The following WWOX variants were observed in gnomAD, a reference collection of about 807,000 sequenced individuals.
WWOX encodes the protein WW domain containing oxidoreductase.
A neutral mutation model predicts 46.2 loss-of-function variants in WWOX; 69 were observed. The ratio of observed to expected loss-of-function variants is 1.49; its 90% CI spans 1.23 to 1.82. The LOEUF (loss-of-function observed/expected upper bound fraction) is 1.82, where lower values mean the gene tolerates loss of function less well. Ranked by LOEUF, WWOX falls within the 40% of genes most tolerant of loss-of-function variation. WWOX has a pLI of 0.00. For synonymous variants in WWOX, 359 were observed against 202.6 expected (o/e 1.77, Z -6.56); for missense variants, 919 against 542.6 (o/e 1.69, Z -6.89).
chr16:78,914,849 C>A (rs140103141), intron 8 of WWOX, among the ~76,000 whole-genome samples: 48 of 148,290 alleles, frequency 3.2e-4, no homozygotes, highest in East Asian at 1.6e-3. Flanking sequence ...ACTGCACTCC[C>A]GCCCGGGTGA....
intron 8 of WWOX, among the ~76,000 whole-genome samples, chr16:78,500,432 C>T (rs565610798): frequency 3.9e-5 from 6 of 151,976 alleles, no homozygotes; most frequent in Admixed American, 6.6e-5. Flanking sequence ...TTTTTCCCTT[C>T]ATCTATCTTT....
At chr16:79,195,330 C>G (rs1456748518) in intron 8 of WWOX, among the ~76,000 whole-genome samples, 1 of 152,010 alleles carries the variant, frequency 6.6e-6, no homozygotes, top group Non-Finnish European at 1.5e-5. Context: ...TGCGAATGCT[C>G]CAGTCAATCC....
At chr16:79,025,214 G>C (rs2047614218) in intron 8 of WWOX, among the ~76,000 whole-genome samples, 1 of 152,164 alleles carries the variant, frequency 6.6e-6, no homozygotes, top group Non-Finnish European at 1.5e-5. Flanking sequence ...ACTGAGGCTG[G>C]GGCAGGGAGA....
At chr16:79,001,075 A>G (rs1049134996) in intron 8 of WWOX, among the ~76,000 whole-genome samples, 3 of 152,230 alleles carry the variant, frequency 2.0e-5, no homozygotes, top group African/African-American at 4.8e-5. Flanking sequence ...ATTAATCTGC[A>G]GGAGAAAGAA....
At chr16:78,874,636 C>G (rs1418731430) in intron 8 of WWOX, among the ~76,000 whole-genome samples, 1 of 137,708 alleles carries the variant, frequency 7.3e-6, no homozygotes, top group African/African-American at 2.7e-5. Flanking sequence ...GGGTAGTGGA[C>G]AAAAATTGAA....
At chr16:78,635,927 C>G (rs944106073) in intron 8 of WWOX, among the ~76,000 whole-genome samples, 1 of 152,078 alleles carries the variant, frequency 6.6e-6, no homozygotes, top group Non-Finnish European at 1.5e-5. Context: ...TTATACAGAG[C>G]CAAGAGAGGT....
chr16:78,379,185 C>T (rs1487862406), intron 5 of WWOX, among the ~76,000 whole-genome samples: 3 of 152,218 alleles, frequency 2.0e-5, no homozygotes, highest in Admixed American at 1.3e-4. Context: ...CTTTTATGAT[C>T]AATAAATACA....
intron 7 of WWOX, among the ~76,000 whole-genome samples, chr16:78,428,213 A>G (rs2083132198): frequency 6.6e-6 from 1 of 152,242 alleles, no homozygotes; most frequent in Admixed American, 6.5e-5. Flanking sequence ...GGAAAATTCT[A>G]TTAAGACATA....
intron 8 of WWOX, among the ~76,000 whole-genome samples, chr16:78,949,103 C>T (rs564661290): frequency 2.6e-5 from 4 of 152,158 alleles, no homozygotes; most frequent in East Asian, 1.9e-4. Flanking sequence ...AAACGGGGAC[C>T]TCAGTTCTGC....
intron 8 of WWOX, among the ~76,000 whole-genome samples, chr16:78,970,915 C>A (rs2046456259): frequency 6.6e-6 from 1 of 152,090 alleles, no homozygotes; most frequent in African/African-American, 2.4e-5. Context: ...CTGTCTTTTG[C>A]TATGGTGGTC....
In WWOX at chr16:79,183,894, C is replaced by G. The variant is rs116451104; in HGVS notation, c.1057-27714C>G. Reference sequence around the variant, plus strand: ...TCAGTCCTTTTCTCACTGCTCTGGTCTCTATACTTAGAGCTTCGAGACCTG... The same window carrying G: ...TCAGTCCTTTTCTCACTGCTCTGGTGTCTATACTTAGAGCTTCGAGACCTG... On this transcript the variant is annotated intron_variant, in intron 8 of 8. Coordinates refer to ENST00000566780, the MANE Select transcript of WWOX (RefSeq NM_016373.4). 2.8e-3 allele frequency among the ~76,000 whole-genome samples: 426 copies of G among 152,310 alleles called. 1 individual carries two copies. The highest frequency in any genetic ancestry group is 9.8e-3 in the African/African-American group (406 of 41,564).
chr16:78,471,219 C>T (rs1264191337), intron 8 of WWOX, among the ~76,000 whole-genome samples: 2 of 152,176 alleles, frequency 1.3e-5, no homozygotes, highest in Admixed American at 6.5e-5. Context: ...CGTGATTCTT[C>T]ATCCAGGATC....
At chr16:78,472,245 C>G (rs58682445) in intron 8 of WWOX, among the ~76,000 whole-genome samples, 2 of 151,856 alleles carry the variant, frequency 1.3e-5, no homozygotes, top group Non-Finnish European at 2.9e-5. Flanking sequence ...GACCTGCTGT[C>G]TTAATGATGG....
Position 78,653,621 on chromosome 16 carries a change from C to T in WWOX, c.1056+220869C>T, listed in dbSNP as rs536590351. 4.6e-5 allele frequency among the ~76,000 whole-genome samples: 7 copies of T among 152,336 alleles called. No individual in the cohort carries two copies. In the South Asian group the frequency reaches 1.5e-3, roughly 32 times the overall value. ...TAGCAGTTGCCAGCTTGGGTTTGGACAACCTCCGACCTTAGTTGAAAATGA... is the reference window on the plus strand; with the variant it reads ...TAGCAGTTGCCAGCTTGGGTTTGGATAACCTCCGACCTTAGTTGAAAATGA... On this transcript the variant is annotated intron_variant, in intron 8 of 8. Transcript: ENST00000566780.
intron 8 of WWOX, among the ~76,000 whole-genome samples, chr16:78,474,413 G>T (rs1035235705): frequency 6.6e-6 from 1 of 152,346 alleles, no homozygotes; most frequent in African/African-American, 2.4e-5. Flanking sequence ...ATTTTGTAGT[G>T]ATGAAGAAAG....
chr16:79,003,609 C>G (rs1461391653), intron 8 of WWOX, among the ~76,000 whole-genome samples: 3 of 152,100 alleles, frequency 2.0e-5, no homozygotes, highest in Non-Finnish European at 4.4e-5. Context: ...CTTGGAGAGT[C>G]TAGGATGGCT....
intron 8 of WWOX, among the ~76,000 whole-genome samples, chr16:78,735,576 C>T (rs1281339325): frequency 1.3e-5 from 2 of 152,200 alleles, no homozygotes; most frequent in Non-Finnish European, 2.9e-5. Context: ...CATACCTGCA[C>T]AAGTCAACTT....
intron 8 of WWOX, among the ~76,000 whole-genome samples, chr16:78,480,924 A>T (rs2084469373): frequency 6.6e-6 from 1 of 152,248 alleles, no homozygotes; most frequent in South Asian, 2.1e-4. Context: ...CAAAAAGATC[A>T]GTGTTTGGAT....
chr16:78,782,054 G>A (rs762589887), intron 8 of WWOX, among the ~76,000 whole-genome samples: 2 of 152,098 alleles, frequency 1.3e-5, no homozygotes, highest in Non-Finnish European at 2.9e-5. Flanking sequence ...TCTGTCTTTG[G>A]AAGGGTAGGT....
Sources: allele counts gnomAD v4.1 joint callset (sites outside exome capture counted in the v4.1 genomes callset), GRCh38; gene constraint gnomAD v4.1.1; transcripts MANE v1.5; gene names NCBI Gene and HGNC (gene_info 2026-07-23, HGNC 2026-07-21).